Variants in FXN observed in about 807,000 individuals in gnomAD.
FXN encodes frataxin.
In FXN, 14 loss-of-function variants were observed where a neutral mutation model predicts 22.4. That is an observed-to-expected ratio of 0.62 (90% CI 0.41 to 0.98). The LOEUF is 0.98. Ranked by LOEUF, FXN falls within the 50% of genes least tolerant of loss-of-function variation. FXN has a pLI of 0.00. For synonymous variants in FXN, 120 were observed against 114.1 expected (o/e 1.05, Z -0.33); for missense variants, 267 against 268.4 (o/e 0.99, Z 0.04).
intron 3 of FXN, among the ~76,000 whole-genome samples, chr9:69,063,759 C>A (rs946442414): frequency 1.3e-5 from 2 of 152,178 alleles, no homozygotes; most frequent in South Asian, 4.1e-4. Context: ...TCTCAGCTCA[C>A]TGCAGCCTCA....
chr9:69,076,867 T>G lies in FXN; in HGVS notation c.*4105T>G. On this transcript the variant is annotated 3_prime_UTR_variant, in exon 5 of 5. Transcript: ENST00000484259. ...GCAAAGTTTTGAAATTTCATGTAAA[T>G]TTATGCTGTTCAAAACGACGAGTTC... 1.0e-6 allele frequency: 1 copy of G among 985,450 alleles called. No homozygotes were observed. The highest frequency in any genetic ancestry group is 1.2e-6 in the Non-Finnish European group (1 of 829,964). 61.0% of individuals were successfully genotyped at this position (985,450 alleles called of 1,614,324 possible). A position where few individuals can be genotyped will look rare whatever the true frequency, so the allele number is the denominator to read the frequency against.
intron 1 of FXN, among the ~76,000 whole-genome samples, chr9:69,037,284 A>AAAAAAAAAAGAAGAAG (rs544093183): frequency 1.3e-5 from 1 of 78,056 alleles, no homozygotes. Context: ...AAAAAAAAAA[A>AAAAAAAAAAGAAGAAG]AAGAAGAAGA....
intron 3 of FXN, among the ~76,000 whole-genome samples, chr9:69,060,995 G>A (rs1338355414): frequency 6.6e-6 from 1 of 152,162 alleles, no homozygotes; most frequent in Admixed American, 6.5e-5. Context: ...CCACAGAGGG[G>A]TAGCAGGGTA....
At chr9:69,050,980 A>G (rs1179665514) in intron 2 of FXN, among the ~76,000 whole-genome samples, 2 of 152,044 alleles carry the variant, frequency 1.3e-5, no homozygotes, top group Non-Finnish European at 2.9e-5. Context: ...GGGTTTCTCC[A>G]TGTTGGTCAA....
In FXN at chr9:69,076,301, A is replaced by G; in HGVS notation, c.*3539A>G. 1.0e-6 allele frequency: 1 copy of G among 985,082 alleles called. No homozygotes were observed. 61.0% of individuals were successfully genotyped at this position (985,082 alleles called of 1,614,324 possible). ...AGGCAAAGCACAATCCTGATGTGAG[A>G]AGTACTCAGTTCATGACAACTGTTG... On this transcript the variant is annotated 3_prime_UTR_variant, in exon 5 of 5. Coordinates refer to ENST00000484259, the MANE Select transcript of FXN (RefSeq NM_000144.5).
intron 1 of FXN, among the ~76,000 whole-genome samples, chr9:69,037,675 T>C (rs1289425585): frequency 6.6e-6 from 1 of 152,112 alleles, no homozygotes; most frequent in Non-Finnish European, 1.5e-5. Context: ...GAGTTGTGTT[T>C]TGTTTTGTTT....
chr9:69,045,192 C>T (rs906014333), intron 1 of FXN, among the ~76,000 whole-genome samples: 1 of 151,666 alleles, frequency 6.6e-6, no homozygotes, highest in African/African-American at 2.4e-5. Context: ...TAAATAGCTA[C>T]GTGTGGCTTG....
rs544093183 is a variant in FXN, at chr9:69,037,284, A to AAAAGAAGAAGAAGAAGAAGAAGAAGAAG, written c.165+1339_165+1340insAGAAGAAGAAGAAGAAGAAGAAGAAGAA. Among the ~76,000 whole-genome samples, 162 of 78,042 alleles carry AAAAGAAGAAGAAGAAGAAGAAGAAGAAG rather than the reference A, an allele frequency of 2.1e-3. 1 individual carries two copies. Among genetic ancestry groups the AAAAGAAGAAGAAGAAGAAGAAGAAGAAG allele is most frequent in the African/African-American group, 4.5e-3 (96 of 21,154 alleles). 51.2% of individuals were successfully genotyped at this position (78,042 alleles called of 152,430 possible). A position where few individuals can be genotyped will look rare whatever the true frequency, so the allele number is the denominator to read the frequency against. On this transcript the variant is annotated intron_variant, in intron 1 of 4. Transcript: ENST00000484259. ...ACTAAAAAATACAAAAAAAAAAAAA[A>AAAAGAAGAAGAAGAAGAAGAAGAAGAAG]AAGAAGAAGAAGAAGAAGAAAATAA...
intron 4 of FXN, among the ~76,000 whole-genome samples, chr9:69,067,342 G>A (rs1042238193): frequency 6.6e-6 from 1 of 152,274 alleles, no homozygotes; most frequent in Non-Finnish European, 1.5e-5. Flanking sequence ...CCGTGTAGCT[G>A]TACCTGCGAA....
chr9:69,039,381 C>T (rs1483051851), intron 1 of FXN, among the ~76,000 whole-genome samples: 4 of 152,178 alleles, frequency 2.6e-5, no homozygotes, highest in East Asian at 1.9e-4. Flanking sequence ...TCAGTAGCCA[C>T]GGGGGCTGGT....
intron 2 of FXN, 111 bp downstream of exon 2, chr9:69,046,593 T>C (rs1831760369): frequency 2.7e-6 from 2 of 743,104 alleles, no homozygotes; most frequent in Non-Finnish European, 4.8e-6. Flanking sequence ...CATCTTTCCA[T>C]GTGACTGAGT....
At position 69,064,914 on chromosome 9, in the gene FXN, C is replaced by CT. The variant is rs758679929; in HGVS notation, c.385-17dup. ...TTTTTCTTGTTTTAATTTCTTTATG[C>CT]TTTTTTTCCACCTAATCCCCTAGAG... On this transcript the variant is annotated intron_variant, in intron 3 of 4. Transcript: ENST00000484259. The CT allele has an allele frequency of 4.4e-5, 64 of 1,447,928 alleles. 1 individual carries two copies. In the South Asian group the frequency reaches 5.0e-4, roughly 11 times the overall value. The allele number at this position is 1,447,928 out of a possible 1,614,324, so 89.7% of individuals were successfully genotyped here.
chr9:69,076,430 T>C lies in FXN; in HGVS notation c.*3668T>C. 1 of 985,412 alleles carries C rather than the reference T, an allele frequency of 1.0e-6. No homozygotes were observed. The highest frequency in any genetic ancestry group is 1.2e-6 in the Non-Finnish European group (1 of 829,908). The allele number at this position is 985,412 out of a possible 1,614,324, so 61.0% of individuals were successfully genotyped here. ...TTGAACTTAATCAAAATACTCAGTTTACTTAACTTCGTATTAGATTCTGAT... is the reference window on the plus strand; with the variant it reads ...TTGAACTTAATCAAAATACTCAGTTCACTTAACTTCGTATTAGATTCTGAT... On this transcript the variant is annotated 3_prime_UTR_variant, in exon 5 of 5. Transcript: ENST00000484259.
intron 4 of FXN, chr9:69,071,323 A>G: frequency 1.9e-6 from 1 of 518,772 alleles, no homozygotes; most frequent in Non-Finnish European, 3.8e-6. Context: ...TTGGTTGATA[A>G]TGCAGGAATC....
intron 1 of FXN, among the ~76,000 whole-genome samples, chr9:69,038,409 G>A (rs1171793972): frequency 6.6e-6 from 1 of 151,788 alleles, no homozygotes; most frequent in African/African-American, 2.4e-5. Flanking sequence ...AACAGAATGG[G>A]AGCCACACAC....
rs1832403997 is a variant in FXN at position 69,078,123 on chromosome 9, A to G, written c.*5361A>G. 4.1e-6 allele frequency: 4 copies of G among 985,346 alleles called. No individual in the cohort carries two copies. Among genetic ancestry groups the G allele is most frequent in the African/African-American group, 1.7e-5 (1 of 57,254 alleles). The allele number at this position is 985,346 out of a possible 1,614,324, so 61.0% of individuals were successfully genotyped here. A position where few individuals can be genotyped will look rare whatever the true frequency, so the allele number is the denominator to read the frequency against. On this transcript the variant is annotated 3_prime_UTR_variant, in exon 5 of 5. Transcript: ENST00000484259. Reference sequence around the variant, plus strand: ...AAAACTTTAAATCCCTCCAAAGCTCAAAAGTAATAGAAACAGATGAGTTTG... The same window carrying G: ...AAAACTTTAAATCCCTCCAAAGCTCGAAAGTAATAGAAACAGATGAGTTTG...
chr9:69,035,774 C>A lies in FXN; in HGVS notation c.-9C>A. On this transcript the variant is annotated 5_prime_UTR_variant, in exon 1 of 5. Transcript: ENST00000484259. Reference sequence around the variant, plus strand: ...TGGAGGGCGGAGCGGGCGGCAGACCCGGAGCAGCATGTGGACTCTCGGGCG... The same window carrying A: ...TGGAGGGCGGAGCGGGCGGCAGACCAGGAGCAGCATGTGGACTCTCGGGCG... 6.7e-7 allele frequency: 1 copy of A among 1,501,378 alleles called. No individual in the cohort carries two copies. The highest frequency in any genetic ancestry group is 2.7e-5 in the East Asian group (1 of 37,718). 93.0% of individuals were successfully genotyped at this position (1,501,378 alleles called of 1,614,324 possible). A position where few individuals can be genotyped will look rare whatever the true frequency, so the allele number is the denominator to read the frequency against.
In FXN at chr9:69,076,903, G is replaced by T; in HGVS notation, c.*4141G>T. ...CAAAACGACGAGTTCATGACTTTGT[G>T]TATAGAGTAAGAAATGCCTTTTCTT... On this transcript the variant is annotated 3_prime_UTR_variant, in exon 5 of 5. Coordinates refer to ENST00000484259, the MANE Select transcript of FXN (RefSeq NM_000144.5). The T allele has an allele frequency of 4.1e-6, 4 of 985,394 alleles. No homozygotes were observed. Among genetic ancestry groups the T allele is most frequent in the Non-Finnish European group, 4.8e-6 (4 of 829,944 alleles). 61.0% of individuals were successfully genotyped at this position (985,394 alleles called of 1,614,324 possible). A position where few individuals can be genotyped will look rare whatever the true frequency, so the allele number is the denominator to read the frequency against.
rs772399509 is a variant in FXN at position 69,072,690 on chromosome 9, C to T, written c.561C>T (p.Ala187=). 1.7e-5 allele frequency: 27 copies of T among 1,614,056 alleles called. No homozygotes were observed. Among genetic ancestry groups the T allele is most frequent in the African/African-American group, 2.7e-5 (2 of 74,912 alleles). The change falls in exon 5 of 5, where the codon GCC becomes GCT. Residue 187 remains alanine, a synonymous_variant. Transcript: ENST00000484259. The part of the protein sequence containing the change: ...HDGVSLHELL[A]AELTKALKTK... Reference sequence around the variant, plus strand: ...GCGTGTCCCTCCATGAGCTGCTGGCCGCAGAGCTCACTAAAGCCTTAAAAA... The same window carrying T: ...GCGTGTCCCTCCATGAGCTGCTGGCTGCAGAGCTCACTAAAGCCTTAAAAA...
Sources: gnomAD v4.1 joint callset for allele counts (sites outside exome capture counted in the v4.1 genomes callset) on GRCh38, gnomAD v4.1.1 for gene constraint, MANE v1.5 for transcripts, NCBI Gene and HGNC (gene_info 2026-07-23, HGNC 2026-07-21) for gene names.